The following DENND1A variants were observed in gnomAD, a reference collection of about 807,000 sequenced individuals.
DENND1A encodes the protein DENN domain containing 1A, also known as DENN domain-containing protein 1A.
Under a neutral mutation model 113.7 loss-of-function variants are expected in DENND1A, and 51 were observed. The observed-to-expected ratio is 0.45, with a 90% CI of 0.36 to 0.57. The LOEUF (loss-of-function observed/expected upper bound fraction) is 0.57, where lower values mean the gene tolerates loss of function less well. Among genes scored for constraint, DENND1A ranks in the 20% least tolerant of loss-of-function variants. The pLI is 0.00. For missense variants in DENND1A, 1,258 were observed against 1,395.9 expected (o/e 0.90, Z 1.57); for synonymous variants, 565 against 570.8 (o/e 0.99, Z 0.14).
intron 2 of DENND1A, among the ~76,000 whole-genome samples, chr9:123,844,437 C>G (rs945992348): frequency 1.3e-5 from 2 of 151,800 alleles, no homozygotes; most frequent in African/African-American, 4.8e-5. Context: ...AAGAACAATA[C>G]AAAAATGAAA....
intron 8 of DENND1A, among the ~76,000 whole-genome samples, chr9:123,652,940 A>G (rs1241468345): frequency 6.6e-6 from 1 of 152,234 alleles, no homozygotes; most frequent in Non-Finnish European, 1.5e-5. Context: ...AACGCTTTCT[A>G]TACCCACCTG....
intron 2 of DENND1A, among the ~76,000 whole-genome samples, chr9:123,839,162 C>G (rs889336114): frequency 1.3e-5 from 2 of 152,162 alleles, no homozygotes; most frequent in African/African-American, 4.8e-5. Context: ...ATATAGACCA[C>G]TTTGAACCAT....
chr9:123,902,885 A>C (rs1439206377), intron 1 of DENND1A, among the ~76,000 whole-genome samples: 1 of 152,082 alleles, frequency 6.6e-6, no homozygotes, highest in Non-Finnish European at 1.5e-5. Flanking sequence ...TGTAGCCAAA[A>C]TCTCTTATGA....
intron 22 of DENND1A, among the ~76,000 whole-genome samples, chr9:123,384,244 G>A (rs548055484): frequency 6.6e-6 from 1 of 152,364 alleles, no homozygotes; most frequent in South Asian, 2.1e-4. Context: ...GTGAGGAACA[G>A]ACAGGACTGG....
At chr9:123,745,263 T>A (rs2069393582) in intron 5 of DENND1A, among the ~76,000 whole-genome samples, 1 of 152,212 alleles carries the variant, frequency 6.6e-6, no homozygotes, top group African/African-American at 2.4e-5. Context: ...CAGATAATGA[T>A]CAACTTTCTC....
intron 11 of DENND1A, among the ~76,000 whole-genome samples, chr9:123,593,177 G>A (rs1209150711): frequency 2.0e-5 from 3 of 152,202 alleles, no homozygotes; most frequent in Admixed American, 2.0e-4. Context: ...CAGTCCTGAG[G>A]AGGAGCAGGA....
chr9:123,744,361 T>C (rs1335387737), intron 5 of DENND1A, among the ~76,000 whole-genome samples: 1 of 152,196 alleles, frequency 6.6e-6, no homozygotes, highest in Non-Finnish European at 1.5e-5. Context: ...CTACATGGTA[T>C]CTAATTAAAT....
At chr9:123,721,320 C>A (rs73667909) in intron 5 of DENND1A, among the ~76,000 whole-genome samples, 2,378 of 152,324 alleles carry the variant, frequency 0.016, 68 homozygotes, top group African/African-American at 0.055. Flanking sequence ...CTGCTCCAGG[C>A]ATACTGAATG....
chr9:123,761,762 G>A (rs1212864111), intron 4 of DENND1A, among the ~76,000 whole-genome samples: 2 of 152,156 alleles, frequency 1.3e-5, no homozygotes, highest in Non-Finnish European at 2.9e-5. Flanking sequence ...AAGTCAAAGA[G>A]GTTAACTTAA....
At chr9:123,865,234 A>G (rs527452702) in intron 2 of DENND1A, among the ~76,000 whole-genome samples, 14 of 152,334 alleles carry the variant, frequency 9.2e-5, no homozygotes, top group African/African-American at 3.4e-4. Context: ...CTCAACTTCA[A>G]TTGGGTCTAG....
intron 1 of DENND1A, among the ~76,000 whole-genome samples, chr9:123,896,202 C>T (rs1850729541): frequency 6.6e-6 from 1 of 152,022 alleles, no homozygotes; most frequent in Admixed American, 6.6e-5. Flanking sequence ...GTCTTGGCTA[C>T]TCGGGAGGCT....
chr9:123,501,081 C>T (rs763540737), intron 13 of DENND1A, among the ~76,000 whole-genome samples: 8 of 152,148 alleles, frequency 5.3e-5, no homozygotes, highest in Non-Finnish European at 8.8e-5. Flanking sequence ...ATTCTGTAGG[C>T]CTGAAATAAT....
chr9:123,383,938 C>T, intron 22 of DENND1A, 25 bp from the exon 23 acceptor site: 1 of 1,591,566 alleles, frequency 6.3e-7, no homozygotes, highest in South Asian at 1.1e-5. Context: ...GCAGGCTGCA[C>T]TCTCCCACCC....
At chr9:123,566,372 C>T (rs946907526) in intron 12 of DENND1A, among the ~76,000 whole-genome samples, 8 of 152,108 alleles carry the variant, frequency 5.3e-5, no homozygotes, top group Non-Finnish European at 1.0e-4. Context: ...GGAGTGAGGG[C>T]TGTGCTATTT....
intron 1 of DENND1A, among the ~76,000 whole-genome samples, chr9:123,929,306 C>CCT (rs1325161165): frequency 6.6e-6 from 1 of 152,206 alleles, no homozygotes; most frequent in Non-Finnish European, 1.5e-5. Flanking sequence ...ACAGAGGTAT[C>CCT]CTCCTTCACA....
chr9:123,697,113 A>G (rs760729710), intron 5 of DENND1A, among the ~76,000 whole-genome samples: 3 of 152,202 alleles, frequency 2.0e-5, no homozygotes, highest in Admixed American at 1.3e-4. Flanking sequence ...CTTGCAGAAT[A>G]TATCTGTTCC....
intron 2 of DENND1A, among the ~76,000 whole-genome samples, chr9:123,833,791 A>G (rs1840648313): frequency 6.6e-6 from 1 of 152,188 alleles, no homozygotes; most frequent in Non-Finnish European, 1.5e-5. Flanking sequence ...CCGGGCACAG[A>G]GGCTCATGAC....
At chr9:123,417,161 T>A (rs915577099) in intron 19 of DENND1A, among the ~76,000 whole-genome samples, 1 of 152,206 alleles carries the variant, frequency 6.6e-6, no homozygotes, top group Non-Finnish European at 1.5e-5. Context: ...GAGAGTACAG[T>A]TACAGCCGCA....
intron 2 of DENND1A, among the ~76,000 whole-genome samples, chr9:123,857,375 G>A (rs772601102): frequency 2.0e-5 from 3 of 152,118 alleles, no homozygotes; most frequent in African/African-American, 4.8e-5. Flanking sequence ...AATAAGAAAG[G>A]AGTAAGTCCA....
Sources: allele counts gnomAD v4.1 joint callset (sites outside exome capture counted in the v4.1 genomes callset), GRCh38; gene constraint gnomAD v4.1.1; transcripts MANE v1.5; gene names NCBI Gene and HGNC (gene_info 2026-07-23, HGNC 2026-07-21).